Variants in LMF1 observed in about 807,000 individuals in gnomAD.
LMF1 encodes transmembrane protein 112.
A neutral mutation model predicts 60.6 loss-of-function variants in LMF1; 68 were observed. The ratio of observed to expected loss-of-function variants is 1.12; its 90% confidence interval spans 0.92 to 1.37. The LOEUF (loss-of-function observed/expected upper bound fraction) is 1.37, where lower values mean the gene tolerates loss of function less well. Ranked by LOEUF, LMF1 falls within the 40% of genes most tolerant of loss-of-function variation. The pLI is 0.00. For synonymous variants in LMF1, 418 were observed against 324.7 expected, an observed-to-expected ratio of 1.29 and a Z score of -3.09; for missense variants, 948 against 767.2, an observed-to-expected ratio of 1.24 and a Z score of -2.78.
intron 10 of LMF1, among the ~76,000 whole-genome samples, chr16:857,464 G>A (rs1375553278): frequency 7.9e-6 from 1 of 126,644 alleles, no homozygotes; most frequent in Non-Finnish European, 1.7e-5. Context: ...GTGGTGTCTC[G>A]GGACGGGTGT....
chr16:869,445 T>C (rs1474757334), intron 9 of LMF1: 1 of 544,136 alleles, frequency 1.8e-6, no homozygotes, highest in East Asian at 4.6e-5. Flanking sequence ...TCTTTCCTGT[T>C]CGCTGAGACA....
rs544126286 is a variant in LMF1, at chr16:970,670, G to A, written c.193+118C>T. 35 of 936,052 alleles carry A rather than the reference G, an allele frequency of 3.7e-5. No homozygotes were observed. In the South Asian group the frequency reaches 5.9e-4, roughly 16 times the overall value. 58.0% of individuals were successfully genotyped at this position (936,052 alleles called of 1,614,324 possible). A position where few individuals can be genotyped will look rare whatever the true frequency, so the allele number is the denominator to read the frequency against. On this transcript the variant is annotated intron_variant, in intron 1 of 10. Transcript: ENST00000262301. ...GCCTTGCCCGGGCCCCAGCAGGAAG[G>A]AGGGCTGCGTGGGGGCGCCGCGGCC...
At chr16:887,478 G>A (rs2070343548) in intron 5 of LMF1, among the ~76,000 whole-genome samples, 1 of 152,204 alleles carries the variant, frequency 6.6e-6, no homozygotes, top group Non-Finnish European at 1.5e-5. Context: ...GGGGGAGCTC[G>A]GCGGGCACGG....
intron 3 of LMF1, among the ~76,000 whole-genome samples, chr16:913,187 A>G (rs1000591814): frequency 6.6e-6 from 1 of 152,078 alleles, no homozygotes; most frequent in African/African-American, 2.4e-5. Context: ...CGGCTCCGGG[A>G]GGGCCCCTGC....
At chr16:931,886 C>A (rs2151784102) in intron 3 of LMF1, 1 of 1,070,362 alleles carries the variant, frequency 9.3e-7, no homozygotes, top group Non-Finnish European at 1.2e-6. Flanking sequence ...GCTTCTGAGT[C>A]CCTACAATTA....
At chr16:864,419 T>C (rs2151692142) in intron 10 of LMF1, among the ~76,000 whole-genome samples, 1 of 152,338 alleles carries the variant, frequency 6.6e-6, no homozygotes, top group South Asian at 2.1e-4. Flanking sequence ...CTATCCTGTT[T>C]TCACTTCCAT....
intron 2 of LMF1, among the ~76,000 whole-genome samples, chr16:946,930 C>T (rs1003586576): frequency 3.3e-5 from 5 of 152,200 alleles, no homozygotes; most frequent in East Asian, 1.9e-4. Context: ...ATATGAGAGA[C>T]GCTCACCCAC....
chr16:926,103 G>A (rs759412781), intron 3 of LMF1, among the ~76,000 whole-genome samples: 2 of 151,908 alleles, frequency 1.3e-5, no homozygotes, highest in South Asian at 2.1e-4. Context: ...ATGTGTGCAC[G>A]TTTGCATATG....
chr16:981,407 A>C (rs1294448128), upstream of LMF1: 1 of 281,090 alleles, frequency 3.6e-6, no homozygotes, highest in African/African-American at 2.7e-5. Flanking sequence ...GAGGGGCCCG[A>C]GGACCCGCTT....
At chr16:930,981 C>T (rs563044602) in intron 3 of LMF1, among the ~76,000 whole-genome samples, 26 of 151,974 alleles carry the variant, frequency 1.7e-4, no homozygotes, top group African/African-American at 4.8e-4. Context: ...ATTAGCCGGG[C>T]GTGGTGGCGG....
chr16:922,227 G>C (rs540402311), intron 3 of LMF1, among the ~76,000 whole-genome samples: 5 of 152,326 alleles, frequency 3.3e-5, no homozygotes, highest in African/African-American at 9.6e-5. Context: ...CTCACAGGCA[G>C]ACCAGGGCAG....
At chr16:910,021 C>A (rs1388079476) in intron 4 of LMF1, among the ~76,000 whole-genome samples, 1 of 152,254 alleles carries the variant, frequency 6.6e-6, no homozygotes, top group Non-Finnish European at 1.5e-5. Flanking sequence ...ATCTGTACGA[C>A]ATGGTTTCCA....
At chr16:931,894 T>C in intron 3 of LMF1, 2 of 959,282 alleles carry the variant, frequency 2.1e-6, no homozygotes, top group Non-Finnish European at 2.8e-6. Flanking sequence ...GTCCCTACAA[T>C]TACCACCTGC....
chr16:970,700 G>C, intron 1 of LMF1, 88 bp downstream of exon 1: 1 of 1,268,024 alleles, frequency 7.9e-7, no homozygotes, highest in Non-Finnish European at 1.1e-6. Context: ...GCGGCCGCGA[G>C]ACCGCGCGGA....
chr16:912,937 G>A lies in LMF1; in HGVS notation c.515-1858C>T, dbSNP rs556020306. Among the ~76,000 whole-genome samples the A allele has an allele frequency of 7.9e-5, 12 of 152,356 alleles. No individual in the cohort carries two copies. The South Asian group carries it at 1.2e-3, about 16-fold the overall frequency. On this transcript the variant is annotated intron_variant, in intron 3 of 10. Coordinates refer to ENST00000262301, the MANE Select transcript of LMF1 (RefSeq NM_022773.4). Reference sequence around the variant, plus strand: ...CCTCAGCGCCAAGGTCAGGGCCAGGGCTCTCCAGACAGCTCTCACCCAGCA... The same window carrying A: ...CCTCAGCGCCAAGGTCAGGGCCAGGACTCTCCAGACAGCTCTCACCCAGCA...
intron 3 of LMF1, among the ~76,000 whole-genome samples, chr16:927,124 A>T (rs752303735): frequency 7.2e-5 from 11 of 152,216 alleles, no homozygotes; most frequent in Non-Finnish European, 1.3e-4. Context: ...CTCATGGCCA[A>T]CCAAGGGCCG....
rs1396624230 is a variant in LMF1, at chr16:933,807, G to A, written c.514+437C>T. The A allele has an allele frequency of 1.5e-5, 7 of 457,260 alleles. No homozygotes were observed. In the East Asian group the frequency reaches 2.1e-4, roughly 14 times the overall value. 28.3% of individuals were successfully genotyped at this position (457,260 alleles called of 1,614,324 possible). A position where few individuals can be genotyped will look rare whatever the true frequency, so the allele number is the denominator to read the frequency against. ...CACCCTCCAGTATTGACTGCGTTGT[G>A]TGGGATGGGGAAGACCTCCGGTCCC... On this transcript the variant is annotated intron_variant, in intron 3 of 10. Coordinates refer to ENST00000262301, the MANE Select transcript of LMF1 (RefSeq NM_022773.4).
chr16:970,884 G>A lies in LMF1; in HGVS notation c.97C>T (p.Pro33Ser), dbSNP rs763820508. The stretch of plus-strand genomic sequence containing the variant: ...GGAGAGCCTGCGGGGCCACGCCCCG[G>A]CGCGGGCGGCGACTCAGGCTCCGGA... ...SDPEPESPPA[P>S]GRGPAGSPAH... The change falls in exon 1 of 11, where the codon CCG (proline) becomes TCG (serine). Residue 33 changes from proline (P) to serine (S), a missense_variant. Transcript: ENST00000262301. 3.6e-5 allele frequency: 56 copies of A among 1,572,752 alleles called. 1 individual carries two copies. In the East Asian group the frequency reaches 1.3e-3, roughly 37 times the overall value.
At chr16:937,927 C>G (rs1303210501) in intron 2 of LMF1, among the ~76,000 whole-genome samples, 1 of 152,150 alleles carries the variant, frequency 6.6e-6, no homozygotes, top group Non-Finnish European at 1.5e-5. Context: ...GCAGCTGATC[C>G]TGAACCACGC....
Sources: allele counts gnomAD v4.1 joint callset (sites outside exome capture counted in the v4.1 genomes callset), GRCh38; gene constraint gnomAD v4.1.1; transcripts MANE v1.5; gene names NCBI Gene and HGNC (gene_info 2026-07-23, HGNC 2026-07-21).